The following PTK7 variants were observed in gnomAD, a reference collection of about 807,000 sequenced individuals.
The protein encoded by PTK7 is inactive tyrosine-protein kinase 7.
A neutral mutation model predicts 116.6 loss-of-function variants in PTK7; 39 were observed. The observed-to-expected ratio is 0.33, with a 90% confidence interval of 0.26 to 0.44. PTK7 has a LOEUF of 0.44. Ranked by LOEUF, PTK7 falls within the 20% of genes least tolerant of loss-of-function variation. The pLI is 1.00. For synonymous variants in PTK7, 546 were observed against 563.6 expected, an observed-to-expected ratio of 0.97 and a Z score of 0.44; for missense variants, 1,169 against 1,425.6, an observed-to-expected ratio of 0.82 and a Z score of 2.90.
chr6:43,152,484 G>A (rs1771175800), intron 17 of PTK7, among the ~76,000 whole-genome samples: 1 of 152,236 alleles, frequency 6.6e-6, no homozygotes, highest in Admixed American at 6.5e-5. Flanking sequence ...AGCTGAGACT[G>A]CCACTGCACT....
chr6:43,135,379 G>A (rs995055066), intron 7 of PTK7, among the ~76,000 whole-genome samples: 1 of 152,234 alleles, frequency 6.6e-6, no homozygotes, highest in Non-Finnish European at 1.5e-5. Context: ...GCAGGCAGAA[G>A]CCCCTCTCCT....
rs184720801 is a variant in PTK7, at chr6:43,115,600, C to T, written c.80-13377C>T. Among the ~76,000 whole-genome samples the T allele has an allele frequency of 1.2e-4, 18 of 151,974 alleles. No homozygotes were observed. The South Asian group carries it at 1.9e-3, about 16-fold the overall frequency. Reference sequence around the variant, plus strand: ...ATTTTCCCAGCCGCAGAGATGGCTGCGAGGAGAGCTTTGGATGGCAGGAGG... The same window carrying T: ...ATTTTCCCAGCCGCAGAGATGGCTGTGAGGAGAGCTTTGGATGGCAGGAGG... On this transcript the variant is annotated intron_variant, in intron 1 of 19. Coordinates refer to ENST00000230419, the MANE Select transcript of PTK7 (RefSeq NM_002821.5).
At chr6:43,081,657 A>G (rs1766386628) in intron 1 of PTK7, among the ~76,000 whole-genome samples, 1 of 152,134 alleles carries the variant, frequency 6.6e-6, no homozygotes, top group Admixed American at 6.5e-5. Flanking sequence ...TGCCCACTTC[A>G]GCCTCCCAAA....
At chr6:43,107,269 G>T (rs916683695) in intron 1 of PTK7, among the ~76,000 whole-genome samples, 1 of 152,058 alleles carries the variant, frequency 6.6e-6, no homozygotes, top group Non-Finnish European at 1.5e-5. Context: ...TGCTTCTCTT[G>T]TGTGCCCTTT....
chr6:43,096,508 C>G (rs1561939464), intron 1 of PTK7, among the ~76,000 whole-genome samples: 1 of 152,142 alleles, frequency 6.6e-6, no homozygotes, highest in Non-Finnish European at 1.5e-5. Context: ...GAACTAAGCC[C>G]CATTCCTTAG....
intron 1 of PTK7, among the ~76,000 whole-genome samples, chr6:43,079,700 C>A (rs1279575986): frequency 6.6e-6 from 1 of 152,120 alleles, no homozygotes; most frequent in Non-Finnish European, 1.5e-5. Context: ...AAGCAGTCTT[C>A]CTGCCTCAGT....
Position 43,132,468 on chromosome 6 carries a change from A to G in PTK7, c.1009A>G (p.Ser337Gly), listed in dbSNP as rs1769745556. The change falls in exon 7 of 20, where the codon AGC (serine) becomes GGC (glycine). Residue 337 changes from serine (S) to glycine (G), a missense_variant. Transcript: ENST00000230419. Reference protein sequence around the residue: ...LFEPRVFTAGSEERVTCLPPK... With the variant: ...LFEPRVFTAGGEERVTCLPPK... ...TGAGCCACGGGTGTTTACAGCTGGC[A>G]GCGAGGAGCGTGTGACCTGCCTTCC... is the stretch of plus-strand genomic sequence containing the variant. 1.5e-5 allele frequency: 24 copies of G among 1,597,066 alleles called. No homozygotes were observed. Among genetic ancestry groups the G allele is most frequent in the Non-Finnish European group, 2.1e-5 (24 of 1,166,916 alleles).
intron 1 of PTK7, among the ~76,000 whole-genome samples, chr6:43,120,127 A>G (rs776053880): frequency 5.2e-4 from 79 of 152,232 alleles, no homozygotes; most frequent in Admixed American, 6.5e-4. Context: ...TCCAAGTGAG[A>G]AAACTGAGAC....
chr6:43,158,695 G>C, intron 17 of PTK7, 122 bp from the exon 18 acceptor site: 1 of 1,030,274 alleles, frequency 9.7e-7, no homozygotes. Context: ...TGAGGCTGTT[G>C]TGCTTCTGGG....
At chr6:43,158,733 G>C in intron 17 of PTK7, 84 bp from the exon 18 acceptor site, 1 of 1,439,256 alleles carries the variant, frequency 6.9e-7, no homozygotes, top group South Asian at 1.3e-5. Context: ...CAATAGTGTT[G>C]AAACGCTACC....
chr6:43,087,073 A>G (rs1390590062), intron 1 of PTK7, among the ~76,000 whole-genome samples: 2 of 152,132 alleles, frequency 1.3e-5, no homozygotes, highest in Non-Finnish European at 2.9e-5. Flanking sequence ...TTCTAAAGTC[A>G]TGTTTCAAGT....
chr6:43,115,806 G>A (rs561844195), intron 1 of PTK7, among the ~76,000 whole-genome samples: 6 of 151,780 alleles, frequency 4.0e-5, no homozygotes, highest in South Asian at 4.2e-4. Flanking sequence ...GCACTGTGGC[G>A]GGTGTCAGCT....
chr6:43,134,009 T>C (rs551767915), intron 7 of PTK7, among the ~76,000 whole-genome samples: 24 of 152,168 alleles, frequency 1.6e-4, no homozygotes, highest in Non-Finnish European at 3.2e-4. Context: ...CCAGTTGAGG[T>C]CTGAGAATCA....
intron 1 of PTK7, among the ~76,000 whole-genome samples, chr6:43,087,859 A>G (rs1766743136): frequency 6.6e-6 from 1 of 152,208 alleles, no homozygotes; most frequent in Non-Finnish European, 1.5e-5. Flanking sequence ...AGATGTGTTT[A>G]GACTTGACCA....
chr6:43,129,016 C>T lies in PTK7; in HGVS notation c.119C>T (p.Ser40Phe). 2 of 1,613,668 alleles carry T rather than the reference C, an allele frequency of 1.2e-6. No homozygotes were observed. Among genetic ancestry groups the T allele is most frequent in the South Asian group, 2.2e-5 (2 of 91,034 alleles). Residue 40 changes from serine to phenylalanine, a missense_variant, in exon 2 of 20, where the codon TCC (serine) becomes TTC (phenylalanine). This residue lies in a region of PTK7 where 487 missense variants were observed against 549.8 expected (regional missense o/e 0.89). Transcript: ENST00000230419. The surrounding 1 kb of genome is among the most constrained non-coding windows in gnomAD (Gnocchi z 4.5). ...TAIVFIKQPS[S>F]QDALQGRRAL... ...ATTGTCTTCATCAAGCAGCCGTCCT[C>T]CCAGGATGCACTGCAGGGGCGCCGG... is the stretch of plus-strand genomic sequence containing the variant.
At position 43,143,695 on chromosome 6, in the gene PTK7, G is replaced by C; in HGVS notation, c.2251+75G>C. On this transcript the variant is annotated intron_variant, in intron 14 of 19. Coordinates refer to ENST00000230419, the MANE Select transcript of PTK7 (RefSeq NM_002821.5). The surrounding 1 kb of genome is among the most constrained non-coding windows in gnomAD (Gnocchi z 4.2). Reference sequence around the variant, plus strand: ...CCCTCCCGCGGCCACGGAGGGGAGAGCGCCAGCACTCTGGAAACCGAGCGG... The same window carrying C: ...CCCTCCCGCGGCCACGGAGGGGAGACCGCCAGCACTCTGGAAACCGAGCGG... 2 of 1,486,854 alleles carry C rather than the reference G, an allele frequency of 1.3e-6. No individual in the cohort carries two copies. Among genetic ancestry groups the C allele is most frequent in the Non-Finnish European group, 1.8e-6 (2 of 1,102,436 alleles). 92.1% of individuals were successfully genotyped at this position (1,486,854 alleles called of 1,614,324 possible).
Position 43,143,604 on chromosome 6 carries a change from G to C in PTK7, c.2235G>C (p.Glu745Asp), listed in dbSNP as rs9472017. ...AGCAGCCCGAGGGCGAGGAGCCAGA[G>C]ATGGAATGCCTCAACGGTGAGGGGC... ...LQKQPEGEEP[E>D]MECLNGGPLQ... is the part of the protein sequence containing the mutation. Residue 745 changes from glutamate to aspartate, a missense_variant, in exon 14 of 20, where the codon GAG (glutamate) becomes GAC (aspartate). Physicochemically the swap from Glu to Asp is conservative, Grantham distance 45 (BLOSUM62 2). Transcript: ENST00000230419. The surrounding 1 kb of genome is among the most constrained non-coding windows in gnomAD (Gnocchi z 4.2). The C allele has an allele frequency of 0.018, 29,603 of 1,612,160 alleles. 342 individuals are homozygous for C. The highest frequency in any genetic ancestry group is 0.023 in the Non-Finnish European group (26,847 of 1,179,906).
In PTK7 at chr6:43,160,851, G is replaced by A; in HGVS notation, c.3183G>A (p.Leu1061=). 1 of 1,614,104 alleles carries A rather than the reference G, an allele frequency of 6.2e-7. No homozygotes were observed. The highest frequency in any genetic ancestry group is 8.5e-7 in the Non-Finnish European group (1 of 1,180,028). Residue 1061 remains leucine (L), a synonymous_variant, in exon 20 of 20, where the codon CTG becomes CTA. Transcript: ENST00000230419. The part of the protein sequence containing the change: ...RPSFSEIASA[L]GDSTVDSKP ...CCTTCAGTGAGATTGCCAGCGCCCT[G>A]GGAGACAGCACCGTGGACAGCAAGC...
intron 1 of PTK7, among the ~76,000 whole-genome samples, chr6:43,127,777 A>G (rs1769385304): frequency 6.6e-6 from 1 of 152,134 alleles, no homozygotes; most frequent in Non-Finnish European, 1.5e-5. Context: ...AAAATACAAA[A>G]AATTAGCCAG....
Sources: allele counts gnomAD v4.1 joint callset (sites outside exome capture counted in the v4.1 genomes callset), GRCh38; gene constraint gnomAD v4.1.1; regional missense constraint gnomAD v4.1.1; non-coding constraint Gnocchi (gnomAD v3.1); transcripts MANE v1.5; gene names NCBI Gene and HGNC (gene_info 2026-07-23, HGNC 2026-07-21).